PPP1R9A: variants seen among roughly 807,000 people sequenced by gnomAD.
PPP1R9A encodes neurabin-1.
A neutral mutation model predicts 141.9 loss-of-function variants in PPP1R9A; 59 were observed. The observed-to-expected ratio is 0.42, with a 90% CI of 0.34 to 0.52. The LOEUF (loss-of-function observed/expected upper bound fraction) is 0.52, where lower values mean the gene tolerates loss of function less well. PPP1R9A is among the 20% of genes least tolerant of loss of function. The pLI is 0.10. For missense variants in PPP1R9A, 1,444 were observed against 1,611.9 expected, an observed-to-expected ratio of 0.90 and a Z score of 1.78; for synonymous variants, 500 against 569.7, an observed-to-expected ratio of 0.88 and a Z score of 1.74.
chr7:95,259,125 T>C (rs1317787617), intron 12 of PPP1R9A, among the ~76,000 whole-genome samples: 2 of 152,160 alleles, frequency 1.3e-5, no homozygotes, highest in African/African-American at 4.8e-5. Flanking sequence ...CTACCACGCA[T>C]CTGAAGTTTA....
chr7:95,137,475 C>G (rs1584896123), intron 4 of PPP1R9A, among the ~76,000 whole-genome samples: 1 of 143,358 alleles, frequency 7.0e-6, no homozygotes, highest in Admixed American at 6.9e-5. Flanking sequence ...TGCCTTAAAG[C>G]TTTTAGTTAA....
At chr7:95,113,489 A>G (rs1395823170) in intron 3 of PPP1R9A, among the ~76,000 whole-genome samples, 1 of 152,238 alleles carries the variant, frequency 6.6e-6, no homozygotes, top group Non-Finnish European at 1.5e-5. Flanking sequence ...CCTAATATTC[A>G]AAGATAAAGT....
intron 2 of PPP1R9A, among the ~76,000 whole-genome samples, chr7:94,953,525 A>G (rs1352934201): frequency 6.6e-6 from 1 of 152,158 alleles, no homozygotes; most frequent in Non-Finnish European, 1.5e-5. Context: ...TGGGGATAGC[A>G]TTGAATCTGT....
At chr7:95,017,522 T>C (rs912495310) in intron 2 of PPP1R9A, among the ~76,000 whole-genome samples, 42 of 151,972 alleles carry the variant, frequency 2.8e-4, no homozygotes, top group Non-Finnish European at 1.6e-4. Flanking sequence ...TACTTGGGTA[T>C]AAACAAAACA....
At chr7:94,992,866 A>T (rs1402941502) in intron 2 of PPP1R9A, among the ~76,000 whole-genome samples, 1 of 152,072 alleles carries the variant, frequency 6.6e-6, no homozygotes, top group Non-Finnish European at 1.5e-5. Flanking sequence ...AATATAAGTA[A>T]TATATTTATT....
At position 95,269,109 on chromosome 7, in the gene PPP1R9A, G is replaced by A. The variant is rs1419210710; in HGVS notation, c.2824-98G>A. The A allele has an allele frequency of 4.2e-6, 5 of 1,194,468 alleles. No homozygotes were observed. The African/African-American group carries it at 4.7e-5, about 11-fold the overall frequency. The allele number at this position is 1,194,468 out of a possible 1,614,324, so 74.0% of individuals were successfully genotyped here. ...AATCAACAAAAACTGGTTTTCATGG[G>A]GATTCACTAATAAAAGGTTGGTCTT... On this transcript the variant is annotated intron_variant, in intron 13 of 19. Coordinates refer to ENST00000433360, the MANE Select transcript of PPP1R9A (RefSeq NM_001166160.2).
chr7:95,015,057 C>G (rs1804905505), intron 2 of PPP1R9A, among the ~76,000 whole-genome samples: 1 of 151,942 alleles, frequency 6.6e-6, no homozygotes, highest in Non-Finnish European at 1.5e-5. Flanking sequence ...CTCTTCCTGT[C>G]TAGGAATAAT....
chr7:95,159,767 C>CA (rs955823499), intron 4 of PPP1R9A, among the ~76,000 whole-genome samples: 3 of 151,296 alleles, frequency 2.0e-5, no homozygotes, highest in Non-Finnish European at 4.4e-5. Flanking sequence ...ACTAAAAATA[C>CA]AAAAAAACAT....
At chr7:95,069,107 T>A (rs550858927) in intron 2 of PPP1R9A, among the ~76,000 whole-genome samples, 17 of 152,286 alleles carry the variant, frequency 1.1e-4, no homozygotes, top group Non-Finnish European at 1.9e-4. Context: ...GTTTAAGGAA[T>A]AATGACAAGA....
intron 2 of PPP1R9A, among the ~76,000 whole-genome samples, chr7:94,929,280 G>A (rs1793868366): frequency 6.6e-6 from 1 of 152,160 alleles, no homozygotes; most frequent in Non-Finnish European, 1.5e-5. Flanking sequence ...AGACGGACAC[G>A]TAAGTCACAA....
intron 4 of PPP1R9A, among the ~76,000 whole-genome samples, chr7:95,149,159 T>C (rs2152638810): frequency 6.6e-6 from 1 of 151,998 alleles, no homozygotes; most frequent in East Asian, 1.9e-4. Context: ...CATGATTATA[T>C]CAGTAGATGC....
At chr7:95,033,436 A>G (rs151065626) in intron 2 of PPP1R9A, among the ~76,000 whole-genome samples, 37 of 152,186 alleles carry the variant, frequency 2.4e-4, no homozygotes, top group African/African-American at 8.2e-4. Flanking sequence ...AATTGCTTCT[A>G]TGGGTCACAG....
intron 2 of PPP1R9A, among the ~76,000 whole-genome samples, chr7:95,079,065 G>C (rs1815343412): frequency 6.6e-6 from 1 of 152,174 alleles, no homozygotes; most frequent in African/African-American, 2.4e-5. Flanking sequence ...CCATGCCTAT[G>C]TCCTGAATGG....
intron 12 of PPP1R9A, among the ~76,000 whole-genome samples, chr7:95,256,695 A>G (rs1799631419): frequency 6.6e-6 from 1 of 152,186 alleles, no homozygotes; most frequent in Non-Finnish European, 1.5e-5. Context: ...CAAAATTTTC[A>G]TTATTCACTC....
chr7:94,977,579 A>G (rs1300417761), intron 2 of PPP1R9A, among the ~76,000 whole-genome samples: 1 of 152,102 alleles, frequency 6.6e-6, no homozygotes. Context: ...GAGAGAATTT[A>G]GAGGAGATAA....
chr7:95,091,509 A>G (rs1817342736), intron 2 of PPP1R9A, among the ~76,000 whole-genome samples: 1 of 151,376 alleles, frequency 6.6e-6, no homozygotes, highest in South Asian at 2.1e-4. Context: ...ACGCCCAGCT[A>G]ATTTTTGTAT....
At position 94,911,197 on chromosome 7, in the gene PPP1R9A, A is replaced by G; in HGVS notation, c.1084A>G (p.Lys362Glu). The change falls in exon 2 of 20, where the codon AAA (lysine) becomes GAA (glutamate). Residue 362 changes from lysine to glutamate, a missense_variant. Lys to Glu is a moderately conservative substitution (Grantham distance 56). Transcript: ENST00000433360. ...AAGGGAGGCAGCAAAGCAACAGAGG[A>G]AAGAACTTGCAGGTGGTGATTTCAC... ...VGREAAKQQR[K>E]ELAGGDFTSP... is the part of the protein sequence containing the mutation. 7.4e-6 allele frequency: 12 copies of G among 1,614,236 alleles called. No homozygotes were observed. The highest frequency in any genetic ancestry group is 2.2e-5 in the East Asian group (1 of 44,880).
At chr7:95,043,371 G>A (rs1039674273) in intron 2 of PPP1R9A, among the ~76,000 whole-genome samples, 9 of 152,108 alleles carry the variant, frequency 5.9e-5, no homozygotes, top group African/African-American at 9.7e-5. Context: ...AAAATATTTT[G>A]GACAGTAATA....
intron 5 of PPP1R9A, among the ~76,000 whole-genome samples, chr7:95,178,745 A>G (rs1833272329): frequency 1.3e-5 from 2 of 152,174 alleles, no homozygotes; most frequent in Admixed American, 6.6e-5. Flanking sequence ...GCTACTATGA[A>G]TAACTTTATG....
Sources: gnomAD v4.1 joint callset for allele counts (sites outside exome capture counted in the v4.1 genomes callset) on GRCh38, gnomAD v4.1.1 for gene constraint, MANE v1.5 for transcripts, NCBI Gene and HGNC (gene_info 2026-07-23, HGNC 2026-07-21) for gene names.